SNTG2: variants seen among roughly 807,000 people sequenced by gnomAD.
SNTG2 encodes the protein gamma-2-syntrophin.
In SNTG2, 74 loss-of-function variants were observed where a neutral mutation model predicts 70.9. That is an observed-to-expected ratio of 1.04 (90% confidence interval 0.86 to 1.27). The LOEUF (loss-of-function observed/expected upper bound fraction) is 1.27, where lower values mean the gene tolerates loss of function less well. Among genes scored for constraint, SNTG2 ranks in the 50% most tolerant of loss-of-function variants. The pLI, the probability that SNTG2 is intolerant of heterozygous loss-of-function variation, is 0.00. For missense variants in SNTG2, 717 were observed against 690.7 expected (o/e 1.04, Z -0.43); for synonymous variants, 278 against 273.8 (o/e 1.02, Z -0.15).
chr2:972,127 A>G (rs1212827754), intron 1 of SNTG2, among the ~76,000 whole-genome samples: 1 of 152,144 alleles, frequency 6.6e-6, no homozygotes, highest in East Asian at 1.9e-4. Flanking sequence ...GTTTGGGGGT[A>G]TAGAGCTCTG....
intron 4 of SNTG2, among the ~76,000 whole-genome samples, chr2:1,127,933 G>A (rs1347848093): frequency 6.6e-6 from 1 of 152,078 alleles, no homozygotes; most frequent in African/African-American, 2.4e-5. Context: ...TTTTCAACTT[G>A]GATGTCCTTT....
intron 1 of SNTG2, among the ~76,000 whole-genome samples, chr2:987,572 C>T (rs770178246): frequency 6.6e-6 from 1 of 152,088 alleles, no homozygotes; most frequent in Non-Finnish European, 1.5e-5. Flanking sequence ...CTGGAGAAAG[C>T]AAGGGAAGAT....
chr2:1,295,426 T>C (rs752183441), intron 14 of SNTG2, among the ~76,000 whole-genome samples: 33 of 152,258 alleles, frequency 2.2e-4, no homozygotes, highest in Non-Finnish European at 4.1e-4. Context: ...TTACCCATTT[T>C]AGTAACTTCA....
chr2:1,219,058 G>GAA (rs1674581469), intron 9 of SNTG2, among the ~76,000 whole-genome samples: 3 of 152,152 alleles, frequency 2.0e-5, no homozygotes, highest in African/African-American at 4.8e-5. Flanking sequence ...GAGGTGACTG[G>GAA]ATCACGGGGC....
At chr2:1,144,977 A>G (rs1206372772) in intron 6 of SNTG2, among the ~76,000 whole-genome samples, 2 of 152,228 alleles carry the variant, frequency 1.3e-5, no homozygotes, top group African/African-American at 4.8e-5. Flanking sequence ...TAAATAACAC[A>G]CTGGTCAAAG....
intron 1 of SNTG2, among the ~76,000 whole-genome samples, chr2:1,064,786 A>G (rs568506770): frequency 2.2e-4 from 33 of 152,338 alleles, no homozygotes; most frequent in Non-Finnish European, 4.4e-4. Flanking sequence ...CAAACAGAAC[A>G]CACACGGCAA....
At chr2:1,200,680 AAAAC>A (rs983023087) in intron 8 of SNTG2, among the ~76,000 whole-genome samples, 56 of 152,154 alleles carry the variant, frequency 3.7e-4, no homozygotes, top group African/African-American at 1.3e-3. Context: ...AACAATAAGA[AAAAC>A]AAACTAATCC....
intron 1 of SNTG2, among the ~76,000 whole-genome samples, chr2:1,063,194 C>G (rs756004014): frequency 1.3e-4 from 19 of 152,000 alleles, no homozygotes; most frequent in Non-Finnish European, 2.1e-4. Flanking sequence ...TTTTAAAATT[C>G]GTAAAGTATA....
chr2:1,263,523 C>G (rs1199693149), intron 13 of SNTG2, among the ~76,000 whole-genome samples: 1 of 150,178 alleles, frequency 6.7e-6, no homozygotes, highest in East Asian at 2.0e-4. Context: ...GGAAAGGGAA[C>G]ATAATAAGAT....
chr2:1,025,521 G>C (rs895796591), intron 1 of SNTG2, among the ~76,000 whole-genome samples: 1 of 152,206 alleles, frequency 6.6e-6, no homozygotes, highest in Non-Finnish European at 1.5e-5. Context: ...CTAAAATCAA[G>C]GTATCGGCAG....
intron 1 of SNTG2, among the ~76,000 whole-genome samples, chr2:1,049,229 C>A (rs1661914044): frequency 6.6e-6 from 1 of 152,150 alleles, no homozygotes; most frequent in South Asian, 2.1e-4. Flanking sequence ...TGAGTCTGGA[C>A]AAATCTGTAA....
At chr2:1,261,628 C>T (rs144128105) in intron 13 of SNTG2, among the ~76,000 whole-genome samples, 87 of 152,240 alleles carry the variant, frequency 5.7e-4, no homozygotes, top group African/African-American at 1.9e-3. Flanking sequence ...GTGAAATCCA[C>T]GGGTCCATCC....
Position 955,857 on chromosome 2 carries a change from G to A in SNTG2, c.72+4789G>A, listed in dbSNP as rs140366074. On this transcript the variant is annotated intron_variant, in intron 1 of 16. Transcript: ENST00000308624. ...CTCACTCCGAACAGGGAGGCCTCCC[G>A]TAGTCTGGGGTCCCAGCTACCCTCC... is the stretch of plus-strand genomic sequence containing the variant. Among the ~76,000 whole-genome samples, 85 of 152,316 alleles carry A rather than the reference G, an allele frequency of 5.6e-4. 1 individual carries two copies. Among genetic ancestry groups the A allele is most frequent in the Middle Eastern group, 6.8e-3 (2 of 294 alleles).
chr2:1,202,460 A>T (rs919600973), intron 8 of SNTG2, among the ~76,000 whole-genome samples: 18 of 142,158 alleles, frequency 1.3e-4, no homozygotes, highest in African/African-American at 4.9e-4. Flanking sequence ...ATAAAAGAGG[A>T]TCGTGAAAAA....
At chr2:1,035,376 T>G (rs1661074412) in intron 1 of SNTG2, among the ~76,000 whole-genome samples, 1 of 152,188 alleles carries the variant, frequency 6.6e-6, no homozygotes, top group Non-Finnish European at 1.5e-5. Flanking sequence ...TGCTCTATGG[T>G]GCTGTAGAAT....
chr2:997,701 A>G (rs1661733546), intron 1 of SNTG2, among the ~76,000 whole-genome samples: 2 of 152,194 alleles, frequency 1.3e-5, no homozygotes, highest in South Asian at 4.1e-4. Context: ...TCTGCCAAAC[A>G]TAGACCCCCC....
intron 11 of SNTG2, among the ~76,000 whole-genome samples, chr2:1,246,829 A>T (rs1677460996): frequency 6.6e-6 from 1 of 152,200 alleles, no homozygotes; most frequent in African/African-American, 2.4e-5. Flanking sequence ...ACGGCTCAAA[A>T]TATTCACTGC....
intron 9 of SNTG2, among the ~76,000 whole-genome samples, chr2:1,230,964 C>T (rs192290454): frequency 7.9e-5 from 12 of 151,950 alleles, no homozygotes; most frequent in Admixed American, 2.0e-4. Flanking sequence ...AATGACAGTG[C>T]CTCTTCCATA....
intron 1 of SNTG2, among the ~76,000 whole-genome samples, chr2:1,028,738 C>CTTT (rs71392557): frequency 2.3e-4 from 34 of 145,148 alleles, no homozygotes; most frequent in Non-Finnish European, 3.3e-4. Flanking sequence ...AGGCAACCTC[C>CTTT]TTTTTTTTTT....
Sources: allele counts gnomAD v4.1 joint callset (sites outside exome capture counted in the v4.1 genomes callset), GRCh38; gene constraint gnomAD v4.1.1; transcripts MANE v1.5; gene names NCBI Gene and HGNC (gene_info 2026-07-23, HGNC 2026-07-21).